The following CALN1 variants were observed in gnomAD, a reference collection of about 807,000 sequenced individuals.
The protein encoded by CALN1 is calneuron 1.
A neutral mutation model predicts 30.6 loss-of-function variants in CALN1; 17 were observed. The ratio of observed to expected loss-of-function variants is 0.56; its 90% CI spans 0.38 to 0.83. The LOEUF (loss-of-function observed/expected upper bound fraction) is 0.83, where lower values mean the gene tolerates loss of function less well. Among genes scored for constraint, CALN1 ranks in the 40% least tolerant of loss-of-function variants. The pLI is 0.00. For missense variants in CALN1, 291 were observed against 354.9 expected, an observed-to-expected ratio of 0.82 and a Z score of 1.45; for synonymous variants, 156 against 131.4, an observed-to-expected ratio of 1.19 and a Z score of -1.28.
chr7:71,999,838 G>A (rs1049317118), intron 5 of CALN1, among the ~76,000 whole-genome samples: 5 of 151,648 alleles, frequency 3.3e-5, no homozygotes, highest in East Asian at 1.9e-4. Flanking sequence ...AAATGACTAC[G>A]GAACATTCAC....
the CALN1 span, among the ~76,000 whole-genome samples, chr7:72,494,751 C>A: frequency 6.6e-6 from 1 of 152,014 alleles, no homozygotes; most frequent in Non-Finnish European, 1.5e-5. Flanking sequence ...CCTGCAGTCC[C>A]AGCTACTCAG....
At chr7:72,501,370 T>TAAAAAAAAAAAAAAAAAAAAAAAAAA in the CALN1 span, among the ~76,000 whole-genome samples, 1 of 42,810 alleles carries the variant, frequency 2.3e-5, no homozygotes. Context: ...ACGTCTCTAT[T>TAAAAAAAAAAAAAAAAAAAAAAAAAA]AAAAAAAAAA....
At chr7:72,240,851 T>G (rs767654880) in intron 3 of CALN1, among the ~76,000 whole-genome samples, 1 of 152,212 alleles carries the variant, frequency 6.6e-6, no homozygotes, top group Non-Finnish European at 1.5e-5. Flanking sequence ...GAGTGTATCA[T>G]GCTTTTCTGC....
chr7:72,437,511 A>G (rs1396198655), intron 1 of CALN1, among the ~76,000 whole-genome samples: 3 of 127,982 alleles, frequency 2.3e-5, no homozygotes, highest in Non-Finnish European at 1.7e-5. Context: ...AAGGTGAGAA[A>G]CCCAGTTGTG....
chr7:72,216,318 C>T (rs545077231), intron 3 of CALN1, among the ~76,000 whole-genome samples: 3 of 151,892 alleles, frequency 2.0e-5, no homozygotes, highest in Admixed American at 6.6e-5. Flanking sequence ...CCCAGATACT[C>T]GGGAGGCCTA....
At chr7:72,459,694 C>T in the CALN1 span, among the ~76,000 whole-genome samples, 1 of 151,506 alleles carries the variant, frequency 6.6e-6, no homozygotes, top group South Asian at 2.1e-4. Flanking sequence ...ATGCAACTAG[C>T]CCTCCACTCT....
At chr7:72,121,098 A>G (rs1282757946) in intron 3 of CALN1, among the ~76,000 whole-genome samples, 2 of 146,952 alleles carry the variant, frequency 1.4e-5, no homozygotes, top group East Asian at 3.9e-4. Flanking sequence ...TATGAATTAT[A>G]TATTATATAT....
chr7:71,995,089 T>G (rs1287935010), intron 5 of CALN1, among the ~76,000 whole-genome samples: 1 of 152,168 alleles, frequency 6.6e-6, no homozygotes, highest in East Asian at 1.9e-4. Flanking sequence ...CCTGACCTCA[T>G]GATCCGCCTG....
At chr7:72,217,113 GA>G (rs1792883284) in intron 3 of CALN1, among the ~76,000 whole-genome samples, 1 of 152,168 alleles carries the variant, frequency 6.6e-6, no homozygotes, top group Admixed American at 6.6e-5. Flanking sequence ...AAAGGATTAA[GA>G]AAAGTACCTT....
chr7:72,275,874 G>A (rs993912548), intron 3 of CALN1, among the ~76,000 whole-genome samples: 1 of 152,196 alleles, frequency 6.6e-6, no homozygotes, highest in Non-Finnish European at 1.5e-5. Flanking sequence ...CCCAAGTAGG[G>A]AGAGGAGGGT....
At chr7:72,148,982 G>C (rs182949992) in intron 3 of CALN1, among the ~76,000 whole-genome samples, 1 of 143,144 alleles carries the variant, frequency 7.0e-6, no homozygotes, top group Non-Finnish European at 1.5e-5. Context: ...GGGAGGGAGG[G>C]AGGAAGGAAG....
At chr7:72,222,099 G>C (rs1471570817) in intron 3 of CALN1, among the ~76,000 whole-genome samples, 1 of 152,050 alleles carries the variant, frequency 6.6e-6, no homozygotes, top group Non-Finnish European at 1.5e-5. Flanking sequence ...GGGGGCACAA[G>C]CCTGTAGTCC....
chr7:72,336,652 A>C, intron 2 of CALN1: 1 of 975,712 alleles, frequency 1.0e-6, no homozygotes, highest in Non-Finnish European at 1.2e-6. Flanking sequence ...CGAGGGAAGA[A>C]GAAAAGAGAG....
chr7:72,434,833 A>G (rs1258106950), intron 1 of CALN1, among the ~76,000 whole-genome samples: 3 of 152,240 alleles, frequency 2.0e-5, no homozygotes, highest in Non-Finnish European at 4.4e-5. Context: ...ACTTCATGCG[A>G]GGCCTGGACA....
chr7:71,920,697 T>C (rs1794900847), intron 5 of CALN1, among the ~76,000 whole-genome samples: 1 of 152,192 alleles, frequency 6.6e-6, no homozygotes, highest in Admixed American at 6.5e-5. Flanking sequence ...ATGTACTTTC[T>C]CCATGTGTAG....
intron 3 of CALN1, among the ~76,000 whole-genome samples, chr7:72,111,250 A>T (rs860008): frequency 0.47 from 70,944 of 151,826 alleles, 17,692 homozygotes; most frequent in East Asian, 0.96. Context: ...CATTGTGTGG[A>T]GTATGAAAAG....
chr7:71,834,732 C>A, intron 5 of CALN1, among the ~76,000 whole-genome samples: 1 of 152,202 alleles, frequency 6.6e-6, no homozygotes, highest in Non-Finnish European at 1.5e-5. Flanking sequence ...AGGCCCGGGG[C>A]CCTCTGTTCA....
intron 2 of CALN1, among the ~76,000 whole-genome samples, chr7:72,333,921 T>C (rs1295565517): frequency 2.0e-5 from 3 of 152,190 alleles, no homozygotes; most frequent in Non-Finnish European, 4.4e-5. Context: ...TGTCTGACTC[T>C]AAACAAGTTA....
In CALN1 at chr7:72,282,669, T is replaced by C. The variant is rs568066721; in HGVS notation, c.120-3859A>G. On this transcript the variant is annotated intron_variant, in intron 2 of 6. Transcript: ENST00000395275. ...TCTCGATCTTGGACTTCCCAACCCATAGAACTGTAGGCAATGAATGTCTGT... is the reference window on the plus strand; with the variant it reads ...TCTCGATCTTGGACTTCCCAACCCACAGAACTGTAGGCAATGAATGTCTGT... Among the ~76,000 whole-genome samples, 4 of 152,336 alleles carry C rather than the reference T, an allele frequency of 2.6e-5. No individual in the cohort carries two copies. In the South Asian group the frequency reaches 6.2e-4, roughly 24 times the overall value.
Sources: allele counts gnomAD v4.1 joint callset (sites outside exome capture counted in the v4.1 genomes callset), GRCh38; gene constraint gnomAD v4.1.1; transcripts MANE v1.5; gene names NCBI Gene and HGNC (gene_info 2026-07-23, HGNC 2026-07-21).